MBD5: variants seen among roughly 807,000 people sequenced by gnomAD.
MBD5 encodes the protein methyl-CpG-binding domain protein 5.
MBD5 carries 13 observed loss-of-function variants against 117.3 expected under a neutral mutation model. The observed-to-expected ratio is 0.11, with a 90% CI of 0.07 to 0.18. The LOEUF is 0.18. MBD5 is among the 10% of genes least tolerant of loss of function. The probability of loss-of-function intolerance (pLI) is 1.00; values close to 1 mark genes in which losing one functional copy is unlikely to be tolerated. For missense variants in MBD5, 1,879 were observed against 2,093.8 expected (o/e 0.90, Z 2.00); for synonymous variants, 727 against 766.4 (o/e 0.95, Z 0.85).
intron 4 of MBD5, among the ~76,000 whole-genome samples, chr2:148,377,276 C>T (rs1704017288): frequency 1.3e-5 from 2 of 152,058 alleles, no homozygotes; most frequent in Admixed American, 1.3e-4. Flanking sequence ...ATTTTTCTAC[C>T]TGCTTTATAT....
chr2:148,091,158 A>G (rs920899887), intron 1 of MBD5, among the ~76,000 whole-genome samples: 2 of 152,114 alleles, frequency 1.3e-5, no homozygotes, highest in African/African-American at 2.4e-5. Flanking sequence ...TGAATCGTCA[A>G]CAATATAAAC....
intron 1 of MBD5, among the ~76,000 whole-genome samples, chr2:148,033,818 C>T (rs1041659881): frequency 9.9e-5 from 15 of 152,172 alleles, no homozygotes; most frequent in African/African-American, 3.4e-4. Flanking sequence ...CATGCTTTTA[C>T]AGCAGATTGG....
intron 3 of MBD5, among the ~76,000 whole-genome samples, chr2:148,271,197 G>T (rs1700978106): frequency 6.6e-6 from 1 of 152,024 alleles, no homozygotes; most frequent in African/African-American, 2.4e-5. Flanking sequence ...TTAGTCAGTT[G>T]TTTCTAGTTT....
At chr2:148,147,474 T>C (rs1697497447) in intron 1 of MBD5, among the ~76,000 whole-genome samples, 1 of 151,958 alleles carries the variant, frequency 6.6e-6, no homozygotes, top group Non-Finnish European at 1.5e-5. Flanking sequence ...ACTCCTGAGC[T>C]CAAGTGATCC....
At chr2:148,177,706 T>C (rs908878373) in intron 1 of MBD5, among the ~76,000 whole-genome samples, 1 of 152,206 alleles carries the variant, frequency 6.6e-6, no homozygotes, top group Non-Finnish European at 1.5e-5. Flanking sequence ...ACCTGAGCCC[T>C]GGCCCTACCT....
chr2:148,168,205 T>C (rs1424595669), intron 1 of MBD5, among the ~76,000 whole-genome samples: 3 of 152,210 alleles, frequency 2.0e-5, no homozygotes, highest in Non-Finnish European at 4.4e-5. Flanking sequence ...TCAGAAGGAA[T>C]TTAAATATAA....
At chr2:148,148,050 C>T (rs1697514582) in intron 1 of MBD5, among the ~76,000 whole-genome samples, 1 of 152,126 alleles carries the variant, frequency 6.6e-6, no homozygotes, top group Non-Finnish European at 1.5e-5. Context: ...CTCTTGTTAG[C>T]TCCAGCTATT....
chr2:148,027,317 TTTATAC>T (rs1429246138), intron 1 of MBD5: 2 of 152,148 alleles, frequency 1.3e-5, no homozygotes, highest in African/African-American at 4.8e-5. Flanking sequence ...TTATTTCATA[TTTATAC>T]TTAAAAGCTA....
In MBD5 at chr2:148,097,967, G is replaced by A. The variant is rs372536175; in HGVS notation, c.-925+76283G>A. On this transcript the variant is annotated intron_variant, in intron 1 of 13. Transcript: ENST00000642680. ...TTGAATGTAGGGGCACAGCAGGCAG[G>A]GGCACAGTCCTGAAGGACTTTATAA... Among the ~76,000 whole-genome samples the A allele has an allele frequency of 7.9e-5, 12 of 152,314 alleles. No homozygotes were observed. The South Asian group carries it at 2.5e-3, about 32-fold the overall frequency.
chr2:148,441,440 A>T (rs1281759800), intron 4 of MBD5, among the ~76,000 whole-genome samples: 3 of 151,844 alleles, frequency 2.0e-5, no homozygotes, highest in Admixed American at 6.6e-5. Flanking sequence ...TGAACTCATC[A>T]TTTTTTATGG....
intron 1 of MBD5, among the ~76,000 whole-genome samples, chr2:148,113,531 GCTT>G (rs1256663587): frequency 6.6e-6 from 1 of 152,120 alleles, no homozygotes; most frequent in Non-Finnish European, 1.5e-5. Flanking sequence ...TGATTTCATT[GCTT>G]CTTCTGTTCC....
At chr2:148,369,389 T>C (rs572698028) in intron 4 of MBD5, among the ~76,000 whole-genome samples, 9 of 152,304 alleles carry the variant, frequency 5.9e-5, no homozygotes, top group Admixed American at 6.5e-5. Flanking sequence ...ACATTACTTT[T>C]TTAATTTGAT....
chr2:148,461,077 C>T (rs771020483), intron 5 of MBD5, among the ~76,000 whole-genome samples: 16 of 152,140 alleles, frequency 1.1e-4, no homozygotes, highest in Admixed American at 6.5e-4. Flanking sequence ...GAATTACAAG[C>T]ACACACTACC....
At chr2:148,437,825 G>A (rs1706199153) in intron 4 of MBD5, among the ~76,000 whole-genome samples, 2 of 152,092 alleles carry the variant, frequency 1.3e-5, no homozygotes. Flanking sequence ...CTTTATGACT[G>A]CAATCATCTG....
intron 1 of MBD5, among the ~76,000 whole-genome samples, chr2:148,145,122 G>C (rs1038397717): frequency 8.6e-5 from 12 of 140,330 alleles, no homozygotes; most frequent in Admixed American, 2.2e-4. Flanking sequence ...CTTTTATTTC[G>C]TTGAGCAGTT....
intron 3 of MBD5, among the ~76,000 whole-genome samples, chr2:148,315,190 G>T (rs1217442743): frequency 2.0e-5 from 3 of 152,212 alleles, no homozygotes; most frequent in East Asian, 3.9e-4. Context: ...CCTGCATCCT[G>T]CTGCTACATT....
intron 3 of MBD5, among the ~76,000 whole-genome samples, chr2:148,319,457 A>G (rs1386692613): frequency 6.6e-6 from 1 of 152,164 alleles, no homozygotes; most frequent in Non-Finnish European, 1.5e-5. Context: ...TTCTGTTTAT[A>G]GAGATATCTC....
chr2:148,231,839 C>T (rs534490583), intron 2 of MBD5, among the ~76,000 whole-genome samples: 2 of 151,974 alleles, frequency 1.3e-5, no homozygotes, highest in Non-Finnish European at 1.5e-5. Flanking sequence ...CTGGCTTCAC[C>T]GGGATTGTGG....
intron 1 of MBD5, chr2:148,070,809 A>G (rs1466701722): frequency 6.6e-6 from 1 of 152,126 alleles, no homozygotes; most frequent in Non-Finnish European, 1.5e-5. Context: ...GGAAGTGTAA[A>G]AATTAACTAT....
Sources: gnomAD v4.1 joint callset for allele counts (sites outside exome capture counted in the v4.1 genomes callset) on GRCh38, gnomAD v4.1.1 for gene constraint, MANE v1.5 for transcripts, NCBI Gene and HGNC (gene_info 2026-07-23, HGNC 2026-07-21) for gene names.